The following USP34 variants were observed in gnomAD, a reference collection of about 807,000 sequenced individuals.
The protein encoded by USP34 is ubiquitin specific peptidase 34, also known as ubiquitin carboxyl-terminal hydrolase 34.
USP34 carries 70 observed loss-of-function variants against 460.3 expected under a neutral mutation model. The ratio of observed to expected loss-of-function variants is 0.15; its 90% confidence interval spans 0.13 to 0.19. USP34 has a LOEUF of 0.19. Among genes scored for constraint, USP34 ranks in the 10% least tolerant of loss-of-function variants. USP34 has a pLI of 1.00. For synonymous variants in USP34, 1,647 were observed against 1,405.3 expected (o/e 1.17, Z -3.85); for missense variants, 3,985 against 4,236.2 (o/e 0.94, Z 1.65).
At chr2:61,317,933 C>G (rs920946067) in intron 22 of USP34, among the ~76,000 whole-genome samples, 166 bp from the exon 23 acceptor site, 1 of 151,874 alleles carries the variant, frequency 6.6e-6, no homozygotes, top group African/African-American at 2.4e-5. Flanking sequence ...TTGCTGGGCA[C>G]GGTGGCTCAG....
chr2:61,433,224 C>G (rs1046094872), intron 1 of USP34, among the ~76,000 whole-genome samples: 1 of 152,194 alleles, frequency 6.6e-6, no homozygotes, highest in African/African-American at 2.4e-5. Flanking sequence ...CCCATCTCCC[C>G]TCACCCAGAT....
chr2:61,356,475 G>GCGCGCACGCACACACACACACA (rs369666693), intron 10 of USP34, among the ~76,000 whole-genome samples: 57 of 128,422 alleles, frequency 4.4e-4, no homozygotes, highest in African/African-American at 1.5e-3. Context: ...GGGTGAAAGC[G>GCGCGCACGCACACACACACACA]CACACACACA....
rs2103752546 is a variant in USP34 at position 61,339,460 on chromosome 2, A to T, written c.2635T>A (p.Leu879Ile). The stretch of plus-strand genomic sequence containing the variant: ...AGAAGTTTCTCTGCTTCATTTATTA[A>T]TCCTTCAGAAAGATTAACCTATAAA... ...DEDAVNLSEG[L>I]INEAEKLLCS... Residue 879 changes from leucine (L) to isoleucine (I), a missense_variant, in exon 18 of 80, where the codon TTA (leucine) becomes ATA (isoleucine). Leu to Ile is a conservative substitution (Grantham distance 5). Transcript: ENST00000398571. 2.5e-6 allele frequency: 4 copies of T among 1,592,168 alleles called. No homozygotes were observed. The East Asian group carries it at 9.0e-5, about 36-fold the overall frequency.
intron 1 of USP34, among the ~76,000 whole-genome samples, chr2:61,425,012 G>T (rs758889605): frequency 1.3e-5 from 2 of 152,118 alleles, no homozygotes; most frequent in Non-Finnish European, 1.5e-5. Flanking sequence ...TAGAGACAGG[G>T]TTTCACCACG....
At position 61,370,300 on chromosome 2, in the gene USP34, A is replaced by C. The variant is rs1408282293; in HGVS notation, c.1251+21T>G. 2.5e-6 allele frequency: 4 copies of C among 1,608,636 alleles called. No individual in the cohort carries two copies. The African/African-American group carries it at 4.0e-5, about 16-fold the overall frequency. On this transcript the variant is annotated intron_variant, in intron 10 of 79. Transcript: ENST00000398571. The stretch of plus-strand genomic sequence containing the variant: ...CATATGATAAGCAAAGCACTCAATA[A>C]ATGTGAGCTGTTAATATTACCTGTG...
chr2:61,393,621 G>C (rs1293102255), intron 5 of USP34, among the ~76,000 whole-genome samples: 2 of 152,012 alleles, frequency 1.3e-5, no homozygotes, highest in Non-Finnish European at 2.9e-5. Flanking sequence ...CACAGCATTG[G>C]AAACAATGCA....
At chr2:61,235,799 A>T (rs770347402) in intron 57 of USP34, 46 bp downstream of exon 57, 1 of 1,584,052 alleles carries the variant, frequency 6.3e-7, no homozygotes, top group Admixed American at 1.9e-5. Context: ...GGGGGAAAAA[A>T]AAAAGAATCT....
Position 61,325,452 on chromosome 2 carries a change from C to A in USP34, c.2936G>T (p.Ser979Ile). The A allele has an allele frequency of 6.6e-7, 1 of 1,524,198 alleles. No individual in the cohort carries two copies. Among genetic ancestry groups the A allele is most frequent in the Non-Finnish European group, 8.7e-7 (1 of 1,144,626 alleles). 94.4% of individuals were successfully genotyped at this position (1,524,198 alleles called of 1,614,324 possible). Residue 979 changes from serine (S) to isoleucine (I), a missense_variant, in exon 21 of 80, where the codon AGC becomes ATC. This residue lies in a region of USP34 where 1,114 missense variants were observed against 1,122.5 expected (regional missense o/e 0.99). Coordinates refer to ENST00000398571, the MANE Select transcript of USP34 (RefSeq NM_014709.4). Reference protein sequence around the residue: ...REGRQKHALYSHSAEVQVRLQ... With the variant: ...REGRQKHALYIHSAEVQVRLQ... ...ACGAACTTGAACTTCAGCACTATGG[C>A]TGTACCTATAATTTAAAAGTCATTA...
At chr2:61,373,929 T>C (rs972603851) in intron 8 of USP34, among the ~76,000 whole-genome samples, 5 of 151,946 alleles carry the variant, frequency 3.3e-5, no homozygotes, top group Non-Finnish European at 5.9e-5. Context: ...CCAAGACGGG[T>C]GGACTGCTTG....
intron 1 of USP34, among the ~76,000 whole-genome samples, chr2:61,441,448 G>A (rs1478554346): frequency 1.3e-5 from 2 of 152,124 alleles, no homozygotes; most frequent in Non-Finnish European, 2.9e-5. Flanking sequence ...GCTGCAGAGA[G>A]ACTAGAGCTG....
chr2:61,398,205 A>C (rs143813663), intron 3 of USP34, among the ~76,000 whole-genome samples: 2,695 of 152,098 alleles, frequency 0.018, 37 homozygotes, highest in Middle Eastern at 0.044. Flanking sequence ...TCTCTATTAA[A>C]AATTTTTAAA....
chr2:61,188,148 T>C lies in USP34; in HGVS notation c.10595A>G (p.His3532Arg), dbSNP rs1436828656. The change falls in exon 80 of 80, where the codon CAT becomes CGT. Residue 3532 changes from histidine (H) to arginine (R), a missense_variant. Transcript: ENST00000398571. ...TTTGCCAGATATCCTTGTGACGACA[T>C]GGATTGTAGATTCAATGGTCCTACA... ...TLCRTIESTIHVVTRISGKGN... is the reference protein window; with the variant it reads ...TLCRTIESTIRVVTRISGKGN... 3 of 1,613,996 alleles carry C rather than the reference T, an allele frequency of 1.9e-6. No homozygotes were observed. Among genetic ancestry groups the C allele is most frequent in the Non-Finnish European group, 2.5e-6 (3 of 1,179,982 alleles).
At chr2:61,188,799 CATTTAT>C in intron 79 of USP34, 90 bp from the exon 80 acceptor site, 5 of 1,565,804 alleles carry the variant, frequency 3.2e-6, no homozygotes, top group Non-Finnish European at 4.3e-6. Flanking sequence ...TTGTTTCTAG[CATTTAT>C]ATTTAGGAGG....
chr2:61,264,050 C>G (rs568262714), intron 43 of USP34, among the ~76,000 whole-genome samples: 1 of 152,122 alleles, frequency 6.6e-6, no homozygotes, highest in Non-Finnish European at 1.5e-5. Flanking sequence ...AAGAAAACCA[C>G]TGAAAACATG....
chr2:61,318,821 A>G (rs1251568512), intron 22 of USP34, among the ~76,000 whole-genome samples: 3 of 152,198 alleles, frequency 2.0e-5, no homozygotes, highest in Admixed American at 6.5e-5. Context: ...CAGCTCTCAC[A>G]CTTGTGGGTG....
In USP34 at chr2:61,437,762, G is replaced by A. The variant is rs1424886436; in HGVS notation, c.44-16929C>T. On this transcript the variant is annotated intron_variant, in intron 1 of 79. Transcript: ENST00000398571. ...CACTCCAGCCTGGGCAACAGAGCGAGACTCCGTCTCAAAAATAAATAAATA... is the reference window on the plus strand; with the variant it reads ...CACTCCAGCCTGGGCAACAGAGCGAAACTCCGTCTCAAAAATAAATAAATA... Among the ~76,000 whole-genome samples, 3 of 80,296 alleles carry A rather than the reference G, an allele frequency of 3.7e-5. No individual in the cohort carries two copies. The South Asian group carries it at 1.2e-3, about 31-fold the overall frequency. The allele number at this position is 80,296 out of a possible 152,430, so 52.7% of individuals were successfully genotyped here. A position where few individuals can be genotyped will look rare whatever the true frequency, so the allele number is the denominator to read the frequency against.
chr2:61,391,608 A>G (rs1051490902), intron 5 of USP34, among the ~76,000 whole-genome samples: 1 of 152,182 alleles, frequency 6.6e-6, no homozygotes. Flanking sequence ...ATTCCCAAAT[A>G]GAGACCTCAC....
chr2:61,388,372 T>A (rs565114739), intron 5 of USP34, among the ~76,000 whole-genome samples: 2 of 148,600 alleles, frequency 1.3e-5, no homozygotes, highest in African/African-American at 5.0e-5. Flanking sequence ...TATAAATTAA[T>A]ACAACCACCT....
intron 1 of USP34, among the ~76,000 whole-genome samples, chr2:61,464,717 CAAAAAAAAA>C (rs35331685): frequency 1.3e-5 from 1 of 77,996 alleles, no homozygotes; most frequent in Non-Finnish European, 2.4e-5. Context: ...GACTCCGTCT[CAAAAAAAAA>C]AAAAAAAAAA....
Sources: gnomAD v4.1 joint callset for allele counts (sites outside exome capture counted in the v4.1 genomes callset) on GRCh38, gnomAD v4.1.1 for gene constraint, gnomAD v4.1.1 regional missense constraint, MANE v1.5 for transcripts, NCBI Gene and HGNC (gene_info 2026-07-23, HGNC 2026-07-21) for gene names.